SIPA1L2: variants seen among roughly 807,000 people sequenced by gnomAD.
SIPA1L2 encodes signal induced proliferation associated 1 like 2, also known as signal-induced proliferation-associated 1-like protein 2.
Under a neutral mutation model 163.9 loss-of-function variants are expected in SIPA1L2, and 56 were observed. The observed-to-expected ratio is 0.34, with a 90% confidence interval of 0.28 to 0.43. SIPA1L2 has a LOEUF of 0.43. Ranked by LOEUF, SIPA1L2 falls within the 20% of genes least tolerant of loss-of-function variation. The pLI, the probability that SIPA1L2 is intolerant of heterozygous loss-of-function variation, is 1.00. For missense variants in SIPA1L2, 1,974 were observed against 2,193.5 expected (o/e 0.90, Z 2.00); for synonymous variants, 877 against 865.7 (o/e 1.01, Z -0.23).
chr1:232,520,887 G>C (rs370983559), intron 2 of SIPA1L2, among the ~76,000 whole-genome samples: 8 of 152,100 alleles, frequency 5.3e-5, no homozygotes, highest in African/African-American at 1.4e-4. Flanking sequence ...CTGGTATTAA[G>C]TGAAATTATA....
intron 2 of SIPA1L2, among the ~76,000 whole-genome samples, chr1:232,520,558 T>C (rs1461122904): frequency 6.6e-6 from 1 of 152,196 alleles, no homozygotes; most frequent in African/African-American, 2.4e-5. Flanking sequence ...TTGAGCCACT[T>C]ATCAGGAATG....
At chr1:232,415,424 A>G in intron 19 of SIPA1L2, 70 bp downstream of exon 19, 1 of 1,509,394 alleles carries the variant, frequency 6.6e-7, no homozygotes, top group Admixed American at 2.4e-5. Context: ...CTCCCCTAAG[A>G]TGCCGCACAG....
rs147215138 is a variant in SIPA1L2 at position 232,431,335 on chromosome 1, G to C, written c.4256+912C>G. ...GACTGACATGATTTTTTTAACAAAA[G>C]ATTCCATGTTCAATTTAAGCACTAA... On this transcript the variant is annotated intron_variant, in intron 16 of 22. Transcript: ENST00000674635. Among the ~76,000 whole-genome samples the C allele has an allele frequency of 8.4e-4, 128 of 152,194 alleles. No homozygotes were observed. In the Middle Eastern group the frequency reaches 0.017, roughly 20 times the overall value.
intron 1 of SIPA1L2, among the ~76,000 whole-genome samples, chr1:232,606,319 T>A (rs185587365): frequency 6.4e-4 from 97 of 152,302 alleles, no homozygotes; most frequent in Admixed American, 4.1e-3. Flanking sequence ...CCTCATAACT[T>A]ACAAATTAGC....
chr1:232,426,008 T>C (rs1661878174), intron 17 of SIPA1L2, among the ~76,000 whole-genome samples, 200 bp from the exon 18 acceptor site: 1 of 152,240 alleles, frequency 6.6e-6, no homozygotes. Context: ...TTAGATTTTA[T>C]GTTTTCCTCC....
intron 3 of SIPA1L2, 38 bp downstream of exon 3, chr1:232,513,819 T>C (rs546978776): frequency 1.3e-6 from 2 of 1,524,574 alleles, no homozygotes; most frequent in East Asian, 4.5e-5. Flanking sequence ...AAAAAACTAC[T>C]CCCGAGACAC....
chr1:232,628,195 G>T (rs1292965993), intron 1 of SIPA1L2, among the ~76,000 whole-genome samples: 1 of 152,190 alleles, frequency 6.6e-6, no homozygotes, highest in Non-Finnish European at 1.5e-5. Flanking sequence ...TATTGTGCTT[G>T]TCATAAAAGG....
At chr1:232,453,593 T>C (rs972980475) in intron 10 of SIPA1L2, among the ~76,000 whole-genome samples, 29 of 152,188 alleles carry the variant, frequency 1.9e-4, no homozygotes, top group South Asian at 8.3e-4. Flanking sequence ...CATCTGACTT[T>C]CACAAAAATT....
At position 232,514,317 on chromosome 1, in the gene SIPA1L2, G is replaced by A. The variant is rs1466708646; in HGVS notation, c.1023C>T (p.Ile341=). The A allele has an allele frequency of 6.2e-7, 1 of 1,613,272 alleles. No individual in the cohort carries two copies. The highest frequency in any genetic ancestry group is 2.2e-5 in the East Asian group (1 of 44,884). The change falls in exon 3 of 23, where the codon ATC becomes ATT. Residue 341 remains isoleucine, a synonymous_variant. Transcript: ENST00000674635. Reference sequence around the variant, plus strand: ...TAGCCCTCGTAGCCATGGCTTCGTTGATATTAAACAAAATGCTCTGGACAT... The same window carrying A: ...TAGCCCTCGTAGCCATGGCTTCGTTAATATTAAACAAAATGCTCTGGACAT... ...HYDVQSILFN[I]NEAMATRANV...
At chr1:232,400,136 G>GA (rs1235225989) in intron 22 of SIPA1L2, among the ~76,000 whole-genome samples, 3 of 152,160 alleles carry the variant, frequency 2.0e-5, no homozygotes, top group African/African-American at 7.2e-5. Context: ...GAGGAGGCCT[G>GA]AATCAGAGCT....
intron 1 of SIPA1L2, among the ~76,000 whole-genome samples, chr1:232,597,285 C>T (rs10495331): frequency 0.019 from 2,820 of 152,154 alleles, 73 homozygotes; most frequent in East Asian, 0.081. Flanking sequence ...ACAAACAATC[C>T]AGAGGAAAAG....
chr1:232,486,167 G>A lies in SIPA1L2; in HGVS notation c.1807-2201C>T, dbSNP rs529090145. 3.4e-4 allele frequency among the ~76,000 whole-genome samples: 52 copies of A among 152,250 alleles called. 1 individual carries two copies. The highest frequency in any genetic ancestry group is 8.5e-4 in the Admixed American group (13 of 15,296). On this transcript the variant is annotated intron_variant, in intron 5 of 22. Coordinates refer to ENST00000674635, the MANE Select transcript of SIPA1L2 (RefSeq NM_020808.5). ...CTTAAATGAGGAGTCCTGGAGTAGA[G>A]CTGTTTGGGAGCCGAGGGTGTGCAT... is the stretch of plus-strand genomic sequence containing the variant.
At chr1:232,577,029 C>T (rs181083700) in intron 1 of SIPA1L2, among the ~76,000 whole-genome samples, 2 of 152,098 alleles carry the variant, frequency 1.3e-5, no homozygotes, top group East Asian at 1.9e-4. Flanking sequence ...TAGAAGACGT[C>T]CTATAGGGCT....
intron 1 of SIPA1L2, among the ~76,000 whole-genome samples, chr1:232,629,650 CT>C (rs1553328418): frequency 6.6e-6 from 1 of 152,186 alleles, no homozygotes; most frequent in Non-Finnish European, 1.5e-5. Context: ...GGCGGCTCCT[CT>C]TCCAGCCGGG....
chr1:232,621,560 G>C (rs1662812063), intron 1 of SIPA1L2, among the ~76,000 whole-genome samples: 1 of 151,976 alleles, frequency 6.6e-6, no homozygotes, highest in South Asian at 2.1e-4. Context: ...ATCTGTAAAA[G>C]GGAAAAAAAT....
intron 9 of SIPA1L2, among the ~76,000 whole-genome samples, chr1:232,463,974 A>G (rs1265128532): frequency 6.6e-6 from 1 of 152,096 alleles, no homozygotes; most frequent in East Asian, 1.9e-4. Context: ...TTTTGGTGGG[A>G]GGAAAGGGGG....
At chr1:232,479,766 C>T in intron 6 of SIPA1L2, 36 bp from the exon 7 acceptor site, 1 of 1,573,480 alleles carries the variant, frequency 6.4e-7, no homozygotes, top group East Asian at 2.2e-5. Flanking sequence ...GCAAGGTAAG[C>T]TGCTACAAAA....
intron 5 of SIPA1L2, among the ~76,000 whole-genome samples, chr1:232,487,675 G>A (rs1665714060): frequency 6.6e-6 from 1 of 152,058 alleles, no homozygotes; most frequent in Non-Finnish European, 1.5e-5. Flanking sequence ...AAATTATGTA[G>A]ATAAAGTAGC....
At chr1:232,403,619 C>A in intron 20 of SIPA1L2, 48 bp from the exon 21 acceptor site, 1 of 1,552,474 alleles carries the variant, frequency 6.4e-7, no homozygotes, top group Non-Finnish European at 8.7e-7. Context: ...GTAATCAATG[C>A]AAGGCAATGT....
Sources: allele counts gnomAD v4.1 joint callset (sites outside exome capture counted in the v4.1 genomes callset), GRCh38; gene constraint gnomAD v4.1.1; transcripts MANE v1.5; gene names NCBI Gene and HGNC (gene_info 2026-07-23, HGNC 2026-07-21).